The following EIF3E variants were observed in gnomAD, a reference collection of about 807,000 sequenced individuals.
EIF3E encodes the protein eIF-3 p48.
Under a neutral mutation model 59.3 loss-of-function variants are expected in EIF3E, and 25 were observed. The observed-to-expected ratio is 0.42, with a 90% CI of 0.31 to 0.59. The LOEUF (loss-of-function observed/expected upper bound fraction) is 0.59, where lower values mean the gene tolerates loss of function less well. EIF3E is among the 20% of genes least tolerant of loss of function. The probability of loss-of-function intolerance (pLI) is 0.15; values close to 1 mark genes in which losing one functional copy is unlikely to be tolerated. For missense variants in EIF3E, 317 were observed against 534.3 expected (o/e 0.59, Z 4.01); for synonymous variants, 176 against 170.2 (o/e 1.03, Z -0.26).
intron 7 of EIF3E, among the ~76,000 whole-genome samples, chr8:108,226,657 TGAG>T (rs1249127351): frequency 1.3e-5 from 2 of 152,190 alleles, no homozygotes; most frequent in East Asian, 3.9e-4. Flanking sequence ...CTTTAATGTT[TGAG>T]GAGGAAGGCT....
intron 2 of EIF3E, among the ~76,000 whole-genome samples, chr8:108,240,774 G>A (rs1218452607): frequency 1.3e-5 from 2 of 152,198 alleles, no homozygotes; most frequent in Non-Finnish European, 2.9e-5. Context: ...GAGGTCAGGA[G>A]TTCAAGACCA....
chr8:108,239,698 C>T (rs1289680201), intron 3 of EIF3E, among the ~76,000 whole-genome samples: 1 of 151,986 alleles, frequency 6.6e-6, no homozygotes, highest in Non-Finnish European at 1.5e-5. Context: ...AAGGGGGAAA[C>T]AGGAGATGGA....
At chr8:108,242,085 C>G (rs970771646) in intron 1 of EIF3E, 172 bp from the exon 2 acceptor site, 83 of 1,452,084 alleles carry the variant, frequency 5.7e-5, no homozygotes, top group Middle Eastern at 5.5e-4. Context: ...AGCAACCAAC[C>G]TATAGACGTA....
intron 7 of EIF3E, among the ~76,000 whole-genome samples, chr8:108,227,051 C>CTA (rs1463451735): frequency 6.6e-6 from 1 of 151,972 alleles, no homozygotes; most frequent in African/African-American, 2.4e-5. Context: ...AGGGCTGGGC[C>CTA]CAGTGGCTCA....
chr8:108,209,205 C>T (rs1181442594), intron 10 of EIF3E, among the ~76,000 whole-genome samples: 1 of 152,018 alleles, frequency 6.6e-6, no homozygotes, highest in Non-Finnish European at 1.5e-5. Context: ...TTCCCTTCCC[C>T]CTCAAAAGAC....
chr8:108,248,610 C>A lies in EIF3E; in HGVS notation c.90+3G>T. 6.2e-7 allele frequency: 1 copy of A among 1,613,920 alleles called. No individual in the cohort carries two copies. Among genetic ancestry groups the A allele is most frequent in the South Asian group, 1.1e-5 (1 of 91,028 alleles). On this transcript the variant is annotated splice_donor_region_variant and intron_variant, in intron 1 of 12. Transcript: ENST00000220849. Reference sequence around the variant, plus strand: ...CCTTCCTTGCGCCCAAAGACCCCCTCACCTCCTTTACAGAGAGAAATTCAA... The same window carrying A: ...CCTTCCTTGCGCCCAAAGACCCCCTAACCTCCTTTACAGAGAGAAATTCAA...
intron 3 of EIF3E, among the ~76,000 whole-genome samples, chr8:108,237,780 T>C (rs1158787461): frequency 4.6e-5 from 7 of 152,206 alleles, no homozygotes; most frequent in Admixed American, 1.3e-4. Flanking sequence ...CTGAATAACT[T>C]TGTATTGCAC....
At chr8:108,205,699 T>C (rs1033535291) in intron 10 of EIF3E, among the ~76,000 whole-genome samples, 7 of 152,222 alleles carry the variant, frequency 4.6e-5, no homozygotes, top group African/African-American at 1.4e-4. Flanking sequence ...CGACACTGTA[T>C]ACGCTACCCG....
chr8:108,214,818 G>C, intron 9 of EIF3E, 102 bp from the exon 10 acceptor site: 2 of 1,016,296 alleles, frequency 2.0e-6, no homozygotes, highest in Admixed American at 2.6e-5. Flanking sequence ...CTACAATCAT[G>C]AGTTTTATAC....
At chr8:108,207,750 C>T (rs1388209123) in intron 10 of EIF3E, among the ~76,000 whole-genome samples, 2 of 152,102 alleles carry the variant, frequency 1.3e-5, no homozygotes, top group Non-Finnish European at 2.9e-5. Flanking sequence ...AACACAACAT[C>T]GAATATGTTA....
At chr8:108,206,305 A>G (rs1815099346) in intron 10 of EIF3E, among the ~76,000 whole-genome samples, 1 of 151,996 alleles carries the variant, frequency 6.6e-6, no homozygotes, top group South Asian at 2.1e-4. Context: ...AGCATGGGCA[A>G]CAAAGTGAGA....
At chr8:108,209,687 A>G (rs1274213279) in intron 10 of EIF3E, among the ~76,000 whole-genome samples, 2 of 152,170 alleles carry the variant, frequency 1.3e-5, no homozygotes, top group Non-Finnish European at 2.9e-5. Flanking sequence ...TAATTATACC[A>G]TAATCATGAT....
intron 5 of EIF3E, chr8:108,233,740 G>C (rs968670845): frequency 1.8e-5 from 5 of 283,862 alleles, no homozygotes; most frequent in Middle Eastern, 8.9e-4. Context: ...AGCTATTCAG[G>C]AGGCAAGAGA....
intron 5 of EIF3E, among the ~76,000 whole-genome samples, chr8:108,231,607 G>A (rs1038313153): frequency 1.3e-5 from 2 of 152,106 alleles, no homozygotes; most frequent in Admixed American, 6.6e-5. Context: ...AAGAGCTGCT[G>A]AATAAGGGAA....
intron 3 of EIF3E, among the ~76,000 whole-genome samples, chr8:108,237,380 T>C (rs1252848750): frequency 1.3e-5 from 2 of 152,094 alleles, no homozygotes; most frequent in East Asian, 3.9e-4. Flanking sequence ...GCCTCCCAAG[T>C]AGCTGGGATT....
intron 3 of EIF3E, among the ~76,000 whole-genome samples, chr8:108,238,268 G>A (rs1815772516): frequency 6.6e-6 from 1 of 152,166 alleles, no homozygotes; most frequent in Non-Finnish European, 1.5e-5. Context: ...ATATCTCTGT[G>A]TGTTTTCCCG....
intron 10 of EIF3E, among the ~76,000 whole-genome samples, chr8:108,209,595 C>A (rs575612841): frequency 1.3e-5 from 2 of 152,072 alleles, no homozygotes; most frequent in Admixed American, 1.3e-4. Context: ...CTTTCTACCC[C>A]GTGTTTGGCC....
chr8:108,224,573 A>G (rs961751407), intron 7 of EIF3E, among the ~76,000 whole-genome samples: 1 of 151,600 alleles, frequency 6.6e-6, no homozygotes, highest in Non-Finnish European at 1.5e-5. Context: ...ACAGAAAATA[A>G]GACAGCAATC....
chr8:108,233,677 G>GAAA, intron 5 of EIF3E: 2 of 359,258 alleles, frequency 5.6e-6, no homozygotes, highest in Non-Finnish European at 1.1e-5. Context: ...CTCCATCTTG[G>GAAA]AAAAAAAAAA....
Sources: gnomAD v4.1 joint callset for allele counts (sites outside exome capture counted in the v4.1 genomes callset) on GRCh38, gnomAD v4.1.1 for gene constraint, MANE v1.5 for transcripts, NCBI Gene and HGNC (gene_info 2026-07-23, HGNC 2026-07-21) for gene names.